Variants in CEP97 observed in about 807,000 individuals in gnomAD.
CEP97 encodes the protein centrosomal protein 97.
A neutral mutation model predicts 73.1 loss-of-function variants in CEP97; 43 were observed. The observed-to-expected ratio is 0.59, with a 90% CI of 0.46 to 0.76. The LOEUF (loss-of-function observed/expected upper bound fraction) is 0.76. CEP97 is among the 30% of genes least tolerant of loss of function. CEP97 has a pLI of 0.00. For missense variants in CEP97, 939 were observed against 1,014.0 expected, an observed-to-expected ratio of 0.93 and a Z score of 1.00; for synonymous variants, 337 against 370.0, an observed-to-expected ratio of 0.91 and a Z score of 1.02.
chr3:101,767,246 TA>T lies in CEP97; in HGVS notation c.*1699del, dbSNP rs986393046. 6.6e-6 allele frequency: 1 copy of T among 152,196 alleles called. No homozygotes were observed. Among genetic ancestry groups the T allele is most frequent in the Non-Finnish European group, 1.5e-5 (1 of 68,018 alleles). The allele number at this position is 152,196 out of a possible 1,614,324, so 9.4% of individuals were successfully genotyped here. On this transcript the variant is annotated 3_prime_UTR_variant, in exon 11 of 11. Coordinates refer to ENST00000341893, the MANE Select transcript of CEP97 (RefSeq NM_024548.4). ...GGAAATATTTTCTGTTTCTTATAAA[TA>T]AAAGAGTAATCTTACTTTCAGAAGG...
At chr3:101,742,724 T>TAA (rs1938495977) in intron 6 of CEP97, among the ~76,000 whole-genome samples, 1 of 147,832 alleles carries the variant, frequency 6.8e-6, no homozygotes, top group South Asian at 2.1e-4. Flanking sequence ...TCCCAGAACT[T>TAA]AAAGTATTTA....
chr3:101,724,741 G>GTCCTA, intron 1 of CEP97, 22 bp downstream of exon 1: 1 of 1,613,496 alleles, frequency 6.2e-7, no homozygotes, highest in Non-Finnish European at 8.5e-7. Flanking sequence ...CCTACCCCGA[G>GTCCTA]TCCTAAGGTT....
chr3:101,761,373 A>G (rs550505900), intron 9 of CEP97, among the ~76,000 whole-genome samples: 68 of 152,288 alleles, frequency 4.5e-4, no homozygotes, highest in African/African-American at 1.6e-3. Flanking sequence ...AGAATGGGTG[A>G]CTGACATGGG....
intron 6 of CEP97, among the ~76,000 whole-genome samples, chr3:101,735,850 G>A (rs780769702): frequency 3.3e-5 from 5 of 152,082 alleles, no homozygotes; most frequent in Non-Finnish European, 7.4e-5. Context: ...AGACAGAACC[G>A]TTCACTCCTC....
intron 3 of CEP97, 142 bp from the exon 4 acceptor site, chr3:101,728,694 C>T (rs1055646318): frequency 5.6e-5 from 35 of 621,800 alleles, no homozygotes; most frequent in Admixed American, 1.1e-4. Context: ...TTAGTACTGC[C>T]CCTTTTCTCT....
In CEP97 at chr3:101,731,921, T is replaced by C; in HGVS notation, c.529T>C (p.Leu177=). Residue 177 remains leucine, a synonymous_variant, in exon 5 of 11, where the codon TTG becomes CTG. Transcript: ENST00000341893. ...ACCCAGAAGTCTTGCTATACTTTCT[T>C]TGGCAGAAAATGAAATCCGAGACTT... The part of the protein sequence containing the change: ...YLPRSLAILS[L]AENEIRDLNE... The C allele has an allele frequency of 6.2e-7, 1 of 1,608,080 alleles. No homozygotes were observed. The highest frequency in any genetic ancestry group is 8.5e-7 in the Non-Finnish European group (1 of 1,174,644).
rs758060218 is a variant in CEP97 at position 101,726,708 on chromosome 3, A to G, written c.158A>G (p.Asn53Ser). 6 of 1,607,898 alleles carry G rather than the reference A, an allele frequency of 3.7e-6. No homozygotes were observed. Among genetic ancestry groups the G allele is most frequent in the African/African-American group, 1.3e-5 (1 of 74,848 alleles). The change falls in exon 2 of 11, where the codon AAT becomes AGT. Residue 53 changes from asparagine to serine, a missense_variant. By Grantham distance (46) the Asn-to-Ser change is conservative. Coordinates refer to ENST00000341893, the MANE Select transcript of CEP97 (RefSeq NM_024548.4). Reference protein sequence around the residue: ...LDKNQIIKLENLEKCKRLIQL... With the variant: ...LDKNQIIKLESLEKCKRLIQL... ...AAAAATCAGATTATTAAATTGGAAA[A>G]TCTGGAGAAATGCAAACGATTAATA...
chr3:101,757,463 A>G (rs1219057939), intron 8 of CEP97, among the ~76,000 whole-genome samples, 171 bp from the exon 9 acceptor site: 2 of 152,236 alleles, frequency 1.3e-5, no homozygotes, highest in East Asian at 3.8e-4. Flanking sequence ...GATTATCACA[A>G]GAATTCATTT....
rs1021695025 is a variant in CEP97 at position 101,748,882 on chromosome 3, C to T, written c.729-6548C>T. On this transcript the variant is annotated intron_variant, in intron 6 of 10. Coordinates refer to ENST00000341893, the MANE Select transcript of CEP97 (RefSeq NM_024548.4). ...GTCTCAATCTCCTGACCTCATGATC[C>T]GCCCACCTCGGCCTCCCAAAGTGCT... is the stretch of plus-strand genomic sequence containing the variant. Among the ~76,000 whole-genome samples, 4 of 152,100 alleles carry T rather than the reference C, an allele frequency of 2.6e-5. No individual in the cohort carries two copies. In the East Asian group the frequency reaches 5.8e-4, roughly 22 times the overall value.
At chr3:101,752,335 C>T (rs1348965599) in intron 6 of CEP97, among the ~76,000 whole-genome samples, 1 of 152,048 alleles carries the variant, frequency 6.6e-6, no homozygotes, top group African/African-American at 2.4e-5. Flanking sequence ...ACATTTTTTC[C>T]TTCATTTCAA....
intron 9 of CEP97, among the ~76,000 whole-genome samples, chr3:101,761,737 G>C (rs1250323560): frequency 6.6e-6 from 1 of 152,120 alleles, no homozygotes; most frequent in Non-Finnish European, 1.5e-5. Flanking sequence ...TTATAATTCA[G>C]GAGTTCTAGA....
At chr3:101,731,998 C>T (rs774720492) in intron 5 of CEP97, 45 bp downstream of exon 5, 2 of 1,101,754 alleles carry the variant, frequency 1.8e-6, no homozygotes, top group African/African-American at 1.5e-5. Flanking sequence ...GCTGGAAATC[C>T]TAGGAAAGAC....
At chr3:101,748,754 C>T (rs923536260) in intron 6 of CEP97, among the ~76,000 whole-genome samples, 1 of 152,158 alleles carries the variant, frequency 6.6e-6, no homozygotes, top group Non-Finnish European at 1.5e-5. Context: ...CATTCTCCTG[C>T]CTCAGTCTCC....
chr3:101,725,619 C>A (rs1937857041), intron 1 of CEP97, among the ~76,000 whole-genome samples: 1 of 152,188 alleles, frequency 6.6e-6, no homozygotes, highest in African/African-American at 2.4e-5. Flanking sequence ...CGACTCCTCA[C>A]ATGCTAAGAG....
At chr3:101,724,796 GT>G in intron 1 of CEP97, 77 bp downstream of exon 1, 2 of 1,458,076 alleles carry the variant, frequency 1.4e-6, no homozygotes, top group African/African-American at 1.4e-5. Flanking sequence ...GAAAACCTAG[GT>G]TTAGATGTGC....
chr3:101,727,597 A>G (rs1156916789), intron 3 of CEP97, 56 bp downstream of exon 3: 1 of 1,487,898 alleles, frequency 6.7e-7, no homozygotes, highest in Non-Finnish European at 9.1e-7. Context: ...AATTCAAGCA[A>G]TGTAGAAATA....
rs532126800 is a variant in CEP97, at chr3:101,757,052, T to A, written c.894-11T>A. On this transcript the variant is annotated splice_polypyrimidine_tract_variant and intron_variant, in intron 7 of 10. Coordinates refer to ENST00000341893, the MANE Select transcript of CEP97 (RefSeq NM_024548.4). Reference sequence around the variant, plus strand: ...TTGTGTTAAATTAGACCAGGTATTATTGATTTTTAGGTTTCACCAGAGGCA... The same window carrying A: ...TTGTGTTAAATTAGACCAGGTATTAATGATTTTTAGGTTTCACCAGAGGCA... 6.3e-6 allele frequency: 10 copies of A among 1,597,060 alleles called. No homozygotes were observed. In the East Asian group the frequency reaches 2.0e-4, roughly 32 times the overall value.
chr3:101,748,497 C>T (rs1041966004), intron 6 of CEP97, among the ~76,000 whole-genome samples: 3 of 151,946 alleles, frequency 2.0e-5, no homozygotes, highest in Admixed American at 6.6e-5. Context: ...TTAAAGTTGG[C>T]GATTGTCTTC....
intron 1 of CEP97, 128 bp from the exon 2 acceptor site, chr3:101,726,466 A>G (rs1937891459): frequency 9.8e-6 from 5 of 509,070 alleles, no homozygotes; most frequent in Middle Eastern, 5.3e-4. Context: ...TACAATGTTG[A>G]TATTTATTAT....
Sources: allele counts gnomAD v4.1 joint callset (sites outside exome capture counted in the v4.1 genomes callset), GRCh38; gene constraint gnomAD v4.1.1; transcripts MANE v1.5; gene names NCBI Gene and HGNC (gene_info 2026-07-23, HGNC 2026-07-21).